Variants in IVNS1ABP observed in about 807,000 individuals in gnomAD.
IVNS1ABP encodes influenza virus NS1A binding protein.
A neutral mutation model predicts 78.9 loss-of-function variants in IVNS1ABP; 25 were observed. The ratio of observed to expected loss-of-function variants is 0.32; its 90% CI spans 0.23 to 0.44. IVNS1ABP has a LOEUF of 0.44. Among genes scored for constraint, IVNS1ABP ranks in the 20% least tolerant of loss-of-function variants. The probability of loss-of-function intolerance (pLI) is 1.00; values close to 1 mark genes in which losing one functional copy is unlikely to be tolerated. For missense variants in IVNS1ABP, 494 were observed against 768.9 expected (o/e 0.64, Z 4.23); for synonymous variants, 241 against 259.7 (o/e 0.93, Z 0.69).
At position 185,299,807 on chromosome 1, in the gene IVNS1ABP, C is replaced by A; in HGVS notation, c.1578G>T (p.Leu526=). The A allele has an allele frequency of 6.2e-7, 1 of 1,613,648 alleles. No homozygotes were observed. ...IIGGAESWNC[L]NTVERYNPEN... ...CAGGATTGTATCGTTCTACTGTGTTCAGACAATTCCAAGATTCTGCACCTC... is the reference window on the plus strand; with the variant it reads ...CAGGATTGTATCGTTCTACTGTGTTAAGACAATTCCAAGATTCTGCACCTC... Residue 526 remains leucine, a synonymous_variant, in exon 14 of 15, where the codon CTG becomes CTT. Transcript: ENST00000367498.
In IVNS1ABP at chr1:185,297,646, ACCC is replaced by A. The variant is rs1187754779; in HGVS notation, c.*386_*388del. 4 of 181,698 alleles carry A rather than the reference ACCC, an allele frequency of 2.2e-5. No homozygotes were observed. In the East Asian group the frequency reaches 5.9e-4, roughly 27 times the overall value. 11.3% of individuals were successfully genotyped at this position (181,698 alleles called of 1,614,324 possible). On this transcript the variant is annotated 3_prime_UTR_variant, in exon 15 of 15. Coordinates refer to ENST00000367498, the MANE Select transcript of IVNS1ABP (RefSeq NM_006469.5). ...GTTATTGAAAAAGGGCCCTTAAAAA[ACCC>A]AACTGTCTACATCTTTAAACCCTAC...
chr1:185,310,711 C>CA (rs1423383682), intron 2 of IVNS1ABP, among the ~76,000 whole-genome samples: 1 of 151,850 alleles, frequency 6.6e-6, no homozygotes, highest in East Asian at 1.9e-4. Context: ...CCTGTCTCTA[C>CA]AAAAAATGTA....
At position 185,309,186 on chromosome 1, in the gene IVNS1ABP, GAATTAT is replaced by G. The variant is rs200003835; in HGVS notation, c.112-20_112-15del. 39,763 of 1,543,966 alleles carry G rather than the reference GAATTAT, an allele frequency of 0.026. 668 individuals carry two copies. Among genetic ancestry groups the G allele is most frequent in the Admixed American group, 0.039 (1,864 of 48,114 alleles). ...ATGGCCACAGACCTGAAATTATGAAGAATTATAATTATAAGTATTGTGGATTATGTG... is the reference window on the plus strand; with the variant it reads ...ATGGCCACAGACCTGAAATTATGAAGAATTATAAGTATTGTGGATTATGTG... On this transcript the variant is annotated splice_polypyrimidine_tract_variant and intron_variant, in intron 3 of 14. Transcript: ENST00000367498.
chr1:185,311,764 C>G (rs1312027074), intron 1 of IVNS1ABP, among the ~76,000 whole-genome samples: 7 of 152,292 alleles, frequency 4.6e-5, no homozygotes, highest in Admixed American at 4.6e-4. Flanking sequence ...CTCTGCACTT[C>G]CCAGGCTCTG....
Position 185,309,395 on chromosome 1 carries a change from A to T in IVNS1ABP, c.99T>A (p.Asp33Glu). 1 of 1,587,120 alleles carries T rather than the reference A, an allele frequency of 6.3e-7. No homozygotes were observed. The highest frequency in any genetic ancestry group is 8.6e-7 in the Non-Finnish European group (1 of 1,168,920). The part of the protein sequence containing the change: ...NALRKSGQFC[D>E]VRLQVCGHEM... Reference sequence around the variant, plus strand: ...AAGTTTTAAATACCTGAAGTCGAACATCACAGAACTGGCCACTTTTCCTCA... The same window carrying T: ...AAGTTTTAAATACCTGAAGTCGAACTTCACAGAACTGGCCACTTTTCCTCA... The change falls in exon 3 of 15, where the codon GAT becomes GAA. Residue 33 changes from aspartate to glutamate, a missense_variant. Physicochemically the swap from Asp to Glu is conservative, Grantham distance 45 (BLOSUM62 2). Coordinates refer to ENST00000367498, the MANE Select transcript of IVNS1ABP (RefSeq NM_006469.5).
chr1:185,296,570 G>C lies in IVNS1ABP; in HGVS notation c.*1465C>G, dbSNP rs1021792724. On this transcript the variant is annotated 3_prime_UTR_variant, in exon 15 of 15. Coordinates refer to ENST00000367498, the MANE Select transcript of IVNS1ABP (RefSeq NM_006469.5). ...ACCAACCAAACTGATTTGCTTTCCTGGTGGTTCTTTGTGTAACAGATGAGA... is the reference window on the plus strand; with the variant it reads ...ACCAACCAAACTGATTTGCTTTCCTCGTGGTTCTTTGTGTAACAGATGAGA... The C allele has an allele frequency of 2.0e-5, 3 of 152,064 alleles. No individual in the cohort carries two copies. The highest frequency in any genetic ancestry group is 7.2e-5 in the African/African-American group (3 of 41,408). The allele number at this position is 152,064 out of a possible 1,614,324, so 9.4% of individuals were successfully genotyped here.
rs1420112754 is a variant in IVNS1ABP, at chr1:185,307,373, A to ACAATATAATTT, written c.531+105_531+115dup. ...GAAACCCATTACGCTGCTAAGAATA[A>ACAATATAATTT]CAATATAATTTCAATGTATTATTTC... On this transcript the variant is annotated intron_variant, in intron 6 of 14. Transcript: ENST00000367498. The ACAATATAATTT allele has an allele frequency of 3.8e-5, 36 of 939,890 alleles. No homozygotes were observed. In the East Asian group the frequency reaches 9.3e-4, roughly 24 times the overall value. 58.2% of individuals were successfully genotyped at this position (939,890 alleles called of 1,614,324 possible).
At chr1:185,316,308 A>T (rs900067898) in intron 1 of IVNS1ABP, among the ~76,000 whole-genome samples, 3 of 151,964 alleles carry the variant, frequency 2.0e-5, no homozygotes, top group Non-Finnish European at 2.9e-5. Context: ...CCGACACGTC[A>T]GGGCAGCCGC....
Position 185,299,772 on chromosome 1 carries a change from G to A in IVNS1ABP, c.1613C>T (p.Thr538Ile). The change falls in exon 14 of 15, where the codon ACC (threonine) becomes ATC (isoleucine). Residue 538 changes from threonine to isoleucine, a missense_variant. Physicochemically the swap from Thr to Ile is moderately conservative, Grantham distance 89. Coordinates refer to ENST00000367498, the MANE Select transcript of IVNS1ABP (RefSeq NM_006469.5). ...ATTCATGGGTGCAATTAAAGTCCAG[G>A]TATTATTTTCAGGATTGTATCGTTC... ...TVERYNPENN[T>I]WTLIAPMNVA... The A allele has an allele frequency of 6.2e-7, 1 of 1,613,580 alleles. No individual in the cohort carries two copies. The highest frequency in any genetic ancestry group is 8.5e-7 in the Non-Finnish European group (1 of 1,179,756).
rs114346695 is a variant in IVNS1ABP, at chr1:185,298,313, A to G, written c.1676-25T>C. ...CCTAAAAGAGAAATGAGATGGGGTA[A>G]ATCCAGAGATTAAAGTGTAATAAGG... On this transcript the variant is annotated intron_variant, in intron 14 of 14. Transcript: ENST00000367498. This position sits in a 1 kb window ranked among gnomAD's most constrained non-coding sequence, Gnocchi z 4.1. 8.8e-4 allele frequency: 1,411 copies of G among 1,605,828 alleles called. 12 individuals carry two copies. In the African/African-American group the frequency reaches 0.017, roughly 19 times the overall value.
In IVNS1ABP at chr1:185,298,690, C is replaced by T. The variant is rs975939925; in HGVS notation, c.1676-402G>A. The T allele has an allele frequency of 2.0e-5, 4 of 202,446 alleles. No homozygotes were observed. The highest frequency in any genetic ancestry group is 4.0e-5 in the Non-Finnish European group (4 of 98,920). The allele number at this position is 202,446 out of a possible 1,614,324, so 12.5% of individuals were successfully genotyped here. ...TAGTTCTGTGCACTGGACTTTATATCAGCCCAATGTACAGAATTAAGACTC... is the reference window on the plus strand; with the variant it reads ...TAGTTCTGTGCACTGGACTTTATATTAGCCCAATGTACAGAATTAAGACTC... On this transcript the variant is annotated intron_variant, in intron 14 of 14. Coordinates refer to ENST00000367498, the MANE Select transcript of IVNS1ABP (RefSeq NM_006469.5). The surrounding 1 kb of genome is among the most constrained non-coding windows in gnomAD (Gnocchi z 4.1).
At chr1:185,301,669 A>T in intron 8 of IVNS1ABP, 106 bp from the exon 9 acceptor site, 13 of 1,221,168 alleles carry the variant, frequency 1.1e-5, no homozygotes, top group Non-Finnish European at 1.5e-5. Flanking sequence ...CCTATATATG[A>T]CATTTATAGG....
chr1:185,308,073 GAC>G, intron 5 of IVNS1ABP: 1 of 1,539,126 alleles, frequency 6.5e-7, no homozygotes, highest in Non-Finnish European at 8.8e-7. Context: ...GTTTTGGAAA[GAC>G]AGCAACTATA....
chr1:185,298,571 G>A lies in IVNS1ABP; in HGVS notation c.1676-283C>T, dbSNP rs1439604229. On this transcript the variant is annotated intron_variant, in intron 14 of 14. Coordinates refer to ENST00000367498, the MANE Select transcript of IVNS1ABP (RefSeq NM_006469.5). The surrounding 1 kb of genome is among the most constrained non-coding windows in gnomAD (Gnocchi z 4.1). ...AATAAGTACAATTTTCACCAACTCT[G>A]TGGTAGTTACTATTATTATTTCAGA... 9 of 420,456 alleles carry A rather than the reference G, an allele frequency of 2.1e-5. No individual in the cohort carries two copies. The highest frequency in any genetic ancestry group is 1.6e-4 in the African/African-American group (8 of 49,330). 26.0% of individuals were successfully genotyped at this position (420,456 alleles called of 1,614,324 possible).
At position 185,311,244 on chromosome 1, in the gene IVNS1ABP, A is replaced by G. The variant is rs558432484; in HGVS notation, c.-168T>C. 1.3e-5 allele frequency: 5 copies of G among 397,706 alleles called. No individual in the cohort carries two copies. The South Asian group carries it at 5.1e-4, about 40-fold the overall frequency. The allele number at this position is 397,706 out of a possible 1,614,324, so 24.6% of individuals were successfully genotyped here. A position where few individuals can be genotyped will look rare whatever the true frequency, so the allele number is the denominator to read the frequency against. ...AAGCTCTAATGGTGATTCCAAAACTATCAGGCTTGAAAATGATGTAATCAA... is the reference window on the plus strand; with the variant it reads ...AAGCTCTAATGGTGATTCCAAAACTGTCAGGCTTGAAAATGATGTAATCAA... On this transcript the variant is annotated 5_prime_UTR_variant, in exon 2 of 15. Transcript: ENST00000367498.
intron 8 of IVNS1ABP, among the ~76,000 whole-genome samples, chr1:185,303,206 T>C (rs1665646478): frequency 6.6e-6 from 1 of 151,976 alleles, no homozygotes; most frequent in Non-Finnish European, 1.5e-5. Context: ...TAAGAGAAAA[T>C]GACTGTGAAA....
At chr1:185,316,215 G>C (rs1666014946) in intron 1 of IVNS1ABP, among the ~76,000 whole-genome samples, 1 of 152,070 alleles carries the variant, frequency 6.6e-6, no homozygotes, top group South Asian at 2.1e-4. Context: ...CCAGGCCGGC[G>C]CCCACTCCGC....
chr1:185,316,272 T>C (rs1410108092), intron 1 of IVNS1ABP, among the ~76,000 whole-genome samples: 2 of 151,846 alleles, frequency 1.3e-5, no homozygotes, highest in African/African-American at 2.4e-5. Context: ...CCGCCCCGGA[T>C]TGGCCAGCCC....
In IVNS1ABP at chr1:185,298,279, AAC is replaced by A; in HGVS notation, c.1683_1684del (p.Phe562CysfsTer6). 2 of 1,612,970 alleles carry A rather than the reference AAC, an allele frequency of 1.2e-6. No individual in the cohort carries two copies. Among genetic ancestry groups the A allele is most frequent in the Non-Finnish European group, 1.7e-6 (2 of 1,179,320 alleles). On this transcript the variant is annotated frameshift_variant, in exon 15 of 15. Transcript: ENST00000367498. LOFTEE classifies it high-confidence loss of function. This position sits in a 1 kb window ranked among gnomAD's most constrained non-coding sequence, Gnocchi z 4.1. ...AGAACCATCAAAGCCACCACATACA[AAC>A]AGTTTTCCTAAAAGAGAAATGAGAT...
Sources: allele counts gnomAD v4.1 joint callset (sites outside exome capture counted in the v4.1 genomes callset), GRCh38; gene constraint gnomAD v4.1.1; non-coding constraint Gnocchi (gnomAD v3.1); transcripts MANE v1.5; gene names NCBI Gene and HGNC (gene_info 2026-07-23, HGNC 2026-07-21).